Variants in MYO5B observed in about 807,000 individuals in gnomAD.
MYO5B encodes the protein unconventional myosin-Vb.
Under a neutral mutation model 229.3 loss-of-function variants are expected in MYO5B, and 143 were observed. The observed-to-expected ratio is 0.62, with a 90% confidence interval of 0.54 to 0.72. The LOEUF is 0.72. Among genes scored for constraint, MYO5B ranks in the 30% least tolerant of loss-of-function variants. MYO5B has a pLI of 0.00. For missense variants in MYO5B, 2,321 were observed against 2,331.0 expected (o/e 1.00, Z 0.09); for synonymous variants, 918 against 885.2 (o/e 1.04, Z -0.66).
At chr18:50,040,115 A>C (rs754501281) in intron 3 of MYO5B, 28 bp downstream of exon 3, 2 of 1,613,432 alleles carry the variant, frequency 1.2e-6, no homozygotes. Context: ...TTTCCAACGC[A>C]TGCAGCCAAC....
intron 1 of MYO5B, among the ~76,000 whole-genome samples, chr18:50,129,682 G>A (rs1214533058): frequency 6.6e-6 from 1 of 152,132 alleles, no homozygotes; most frequent in East Asian, 1.9e-4. Context: ...CTTGCCCGAG[G>A]TCCCTAGGGA....
chr18:50,191,026 C>T (rs1476385072), intron 1 of MYO5B, among the ~76,000 whole-genome samples: 1 of 152,170 alleles, frequency 6.6e-6, no homozygotes, highest in Admixed American at 6.5e-5. Flanking sequence ...TTTGATAATA[C>T]ACTAAAATGA....
chr18:49,917,456 GT>G (rs2025029528), intron 17 of MYO5B, among the ~76,000 whole-genome samples: 1 of 149,036 alleles, frequency 6.7e-6, no homozygotes, highest in Non-Finnish European at 1.5e-5. Context: ...GCTCCCAAAT[GT>G]TTGTAAAACG....
At chr18:49,896,840 A>G (rs1264911198) in intron 21 of MYO5B, among the ~76,000 whole-genome samples, 1 of 152,178 alleles carries the variant, frequency 6.6e-6, no homozygotes, top group Admixed American at 6.5e-5. Flanking sequence ...ATGTGCTCAG[A>G]TCCCAGCTCT....
intron 17 of MYO5B, among the ~76,000 whole-genome samples, chr18:49,917,582 T>C (rs1368588345): frequency 6.6e-6 from 1 of 152,110 alleles, no homozygotes; most frequent in Non-Finnish European, 1.5e-5. Context: ...TCGAGACGCC[T>C]TTCCCCACTC....
At chr18:49,945,757 A>G (rs2025364981) in intron 14 of MYO5B, among the ~76,000 whole-genome samples, 1 of 67,834 alleles carries the variant, frequency 1.5e-5, no homozygotes, top group South Asian at 4.6e-4. Flanking sequence ...GGAGGAGGGG[A>G]GGAGGAGGAG....
intron 14 of MYO5B, among the ~76,000 whole-genome samples, chr18:49,944,113 G>A (rs184133327): frequency 5.3e-5 from 8 of 152,192 alleles, no homozygotes; most frequent in Non-Finnish European, 1.2e-4. Context: ...GCCATTAAAG[G>A]GTTAAAATAA....
intron 2 of MYO5B, among the ~76,000 whole-genome samples, chr18:50,049,763 C>G (rs2030342361): frequency 6.6e-6 from 1 of 152,118 alleles, no homozygotes; most frequent in Non-Finnish European, 1.5e-5. Flanking sequence ...AAGTTGCTGC[C>G]CCACTCATCT....
Position 49,895,107 on chromosome 18 carries a change from T to C in MYO5B, c.2879A>G (p.Glu960Gly). ...VTTSTYTMEV[E>G]RLKKELVHYQ... is the part of the protein sequence containing the mutation. The stretch of plus-strand genomic sequence containing the variant: ...GTGCACCAGCTCCTTCTTCAGCCGC[T>C]CTACCTCCATGGTGTATGTTGAGGT... Residue 960 changes from glutamate to glycine, a missense_variant, in exon 22 of 40, where the codon GAG becomes GGG. Transcript: ENST00000285039. 6.2e-7 allele frequency: 1 copy of C among 1,614,180 alleles called. No individual in the cohort carries two copies. The highest frequency in any genetic ancestry group is 8.5e-7 in the Non-Finnish European group (1 of 1,180,044).
At chr18:49,962,431 G>C (rs543904608) in intron 11 of MYO5B, 25 bp from the exon 12 acceptor site, 117 of 1,613,906 alleles carry the variant, frequency 7.2e-5, no homozygotes, top group Admixed American at 2.8e-4. Flanking sequence ...AAGGTCACAC[G>C]AGTGAACTGC....
At chr18:49,875,874 C>T (rs549744959) in intron 25 of MYO5B, 47 bp from the exon 26 acceptor site, 3 of 1,609,420 alleles carry the variant, frequency 1.9e-6, no homozygotes, top group South Asian at 1.1e-5. Flanking sequence ...TAAATACATG[C>T]CTTAGGGAAC....
At chr18:49,931,538 T>C (rs2025191939) in intron 16 of MYO5B, among the ~76,000 whole-genome samples, 1 of 152,196 alleles carries the variant, frequency 6.6e-6, no homozygotes, top group Non-Finnish European at 1.5e-5. Context: ...TAAAAGCCCC[T>C]TAGTGCGAGG....
At chr18:49,973,213 T>C (rs2025709842) in intron 10 of MYO5B, among the ~76,000 whole-genome samples, 1 of 152,164 alleles carries the variant, frequency 6.6e-6, no homozygotes, top group African/African-American at 2.4e-5. Flanking sequence ...CTTTGTGATG[T>C]CAGAAATCAC....
chr18:50,018,722 T>C (rs2026242856), intron 4 of MYO5B, among the ~76,000 whole-genome samples: 1 of 152,190 alleles, frequency 6.6e-6, no homozygotes. Context: ...GGCTCTAAGC[T>C]ATCACATCAC....
chr18:50,001,230 G>A lies in MYO5B; in HGVS notation c.612+25C>T, dbSNP rs758060922. 7 of 1,614,106 alleles carry A rather than the reference G, an allele frequency of 4.3e-6. No individual in the cohort carries two copies. The Admixed American group carries it at 1.0e-4, about 23-fold the overall frequency. On this transcript the variant is annotated intron_variant, in intron 5 of 39. Coordinates refer to ENST00000285039, the MANE Select transcript of MYO5B (RefSeq NM_001080467.3). Reference sequence around the variant, plus strand: ...CAGTGGGAGGAGCTCCAGCCAGGAAGGCCAGGACACCTAGAAGGCTTTACC... The same window carrying A: ...CAGTGGGAGGAGCTCCAGCCAGGAAAGCCAGGACACCTAGAAGGCTTTACC...
intron 12 of MYO5B, among the ~76,000 whole-genome samples, chr18:49,955,316 G>A (rs923786519): frequency 1.3e-5 from 2 of 152,170 alleles, no homozygotes; most frequent in Admixed American, 6.5e-5. Context: ...CAGAGTCACC[G>A]TAACCACCAC....
In MYO5B at chr18:49,880,461, A is replaced by G; in HGVS notation, c.3046-6T>C. 6.2e-7 allele frequency: 1 copy of G among 1,611,832 alleles called. No homozygotes were observed. ...TGCTCCAGGTCTGCAACTCGCTGGA[A>G]GAGAGCAATAGGGGAAAAATGTCTC... On this transcript the variant is annotated splice_region_variant and splice_polypyrimidine_tract_variant and intron_variant, in intron 22 of 39. Transcript: ENST00000285039.
chr18:49,948,697 A>G (rs1269314882), intron 14 of MYO5B, among the ~76,000 whole-genome samples: 1 of 152,242 alleles, frequency 6.6e-6, no homozygotes, highest in Non-Finnish European at 1.5e-5. Flanking sequence ...AACCTTTTAA[A>G]AACACATCAG....
intron 1 of MYO5B, among the ~76,000 whole-genome samples, chr18:50,169,825 T>A (rs1568131818): frequency 7.8e-6 from 1 of 127,522 alleles, no homozygotes; most frequent in Non-Finnish European, 1.7e-5. Flanking sequence ...GCTCTTCACC[T>A]TTCCACTTGC....
Sources: gnomAD v4.1 joint callset for allele counts (sites outside exome capture counted in the v4.1 genomes callset) on GRCh38, gnomAD v4.1.1 for gene constraint, MANE v1.5 for transcripts, NCBI Gene and HGNC (gene_info 2026-07-23, HGNC 2026-07-21) for gene names.